Variants in CPXM2 observed in about 807,000 individuals in gnomAD.
CPXM2 encodes carboxypeptidase X, M14 family member 2, also known as inactive carboxypeptidase-like protein X2.
In CPXM2, 66 loss-of-function variants were observed where a neutral mutation model predicts 86.1. The observed-to-expected ratio is 0.77, with a 90% CI of 0.63 to 0.94. The LOEUF is 0.94. Ranked by LOEUF, CPXM2 falls within the 40% of genes least tolerant of loss-of-function variation. The pLI is 0.00. For synonymous variants in CPXM2, 388 were observed against 400.2 expected, an observed-to-expected ratio of 0.97 and a Z score of 0.36; for missense variants, 948 against 1,026.3, an observed-to-expected ratio of 0.92 and a Z score of 1.04.
At chr10:123,846,082 T>C (rs1173150758) in intron 3 of CPXM2, among the ~76,000 whole-genome samples, 2 of 152,212 alleles carry the variant, frequency 1.3e-5, no homozygotes, top group Admixed American at 1.3e-4. Context: ...GAAGCAGCAG[T>C]CCCCAAACTT....
intron 3 of CPXM2, among the ~76,000 whole-genome samples, chr10:123,846,613 A>C (rs189449986): frequency 1.4e-3 from 217 of 152,290 alleles, no homozygotes; most frequent in Non-Finnish European, 2.5e-3. Context: ...ACTCCAAAAA[A>C]ATGAGGCAGA....
chr10:123,754,715 T>A lies in CPXM2; in HGVS notation c.1965A>T (p.Gly655=), dbSNP rs1378303695. Residue 655 remains glycine, a synonymous_variant, in exon 13 of 14, where the codon GGA becomes GGT. Coordinates refer to ENST00000241305, the MANE Select transcript of CPXM2 (RefSeq NM_198148.3). This position sits in a 1 kb window ranked among gnomAD's most constrained non-coding sequence, Gnocchi z 4.0. ...CTACGGAGATAATGGCGTTTGGGAT[T>A]CCTTTTCCATGTGAATCTCTCACCA... ...KGLVRDSHGK[G]IPNAIISVEG... is the part of the protein sequence containing the mutation. 1 of 1,612,000 alleles carries A rather than the reference T, an allele frequency of 6.2e-7. No homozygotes were observed. Among genetic ancestry groups the A allele is most frequent in the South Asian group, 1.1e-5 (1 of 91,052 alleles).
intron 11 of CPXM2, among the ~76,000 whole-genome samples, chr10:123,760,384 A>AT (rs1846305426): frequency 6.6e-6 from 1 of 151,934 alleles, no homozygotes; most frequent in Non-Finnish European, 1.5e-5. Flanking sequence ...ATTTTTTTTT[A>AT]TTTCATACAA....
intron 6 of CPXM2, among the ~76,000 whole-genome samples, chr10:123,794,686 G>GT (rs1293178234): frequency 1.3e-5 from 2 of 150,674 alleles, no homozygotes; most frequent in Non-Finnish European, 3.0e-5. Context: ...TTCTTTTATT[G>GT]TTTTTTATTA....
chr10:123,941,844 G>A (rs935266642), upstream of CPXM2, among the ~76,000 whole-genome samples: 1 of 152,220 alleles, frequency 6.6e-6, no homozygotes, highest in African/African-American at 2.4e-5. Flanking sequence ...TCTCTGAACC[G>A]CATCTGAGAT....
At chr10:123,824,741 T>G (rs55759998) in intron 4 of CPXM2, among the ~76,000 whole-genome samples, 7,501 of 152,272 alleles carry the variant, frequency 0.049, 616 homozygotes, top group African/African-American at 0.17. Flanking sequence ...AATAAGTTGA[T>G]AAATCCTAAC....
chr10:123,821,439 G>A (rs1847922137), intron 4 of CPXM2, among the ~76,000 whole-genome samples: 1 of 152,232 alleles, frequency 6.6e-6, no homozygotes, highest in Non-Finnish European at 1.5e-5. Context: ...AGAACTGACA[G>A]GTCATAGGAT....
chr10:123,787,845 T>C (rs984619583), intron 6 of CPXM2, among the ~76,000 whole-genome samples: 1 of 152,172 alleles, frequency 6.6e-6, no homozygotes, highest in Non-Finnish European at 1.5e-5. Flanking sequence ...AGATTCCAAG[T>C]TACCCGGGGA....
chr10:123,907,916 A>C (rs1945457260), intron 2 of CPXM2, among the ~76,000 whole-genome samples: 1 of 152,058 alleles, frequency 6.6e-6, no homozygotes, highest in Non-Finnish European at 1.5e-5. Context: ...AAAAAGGAAG[A>C]GAGGGGAAGC....
chr10:123,766,911 A>G (rs918363397), intron 10 of CPXM2, 62 bp downstream of exon 10: 1 of 1,323,990 alleles, frequency 7.6e-7, no homozygotes, highest in African/African-American at 1.4e-5. Context: ...TCCTCTGCAA[A>G]TACCAATGGA....
chr10:123,871,423 C>G lies in CPXM2; in HGVS notation c.404-8700G>C, dbSNP rs540057665. ...TGGAAAACTAACACCATTCTTTATA[C>G]GTTGCTTATAAGGCTCAAAAAAAAG... is the stretch of plus-strand genomic sequence containing the variant. On this transcript the variant is annotated intron_variant, in intron 2 of 13. Transcript: ENST00000241305. Among the ~76,000 whole-genome samples, 3 of 152,294 alleles carry G rather than the reference C, an allele frequency of 2.0e-5. No homozygotes were observed. The South Asian group carries it at 6.2e-4, about 32-fold the overall frequency.
intron 1 of CPXM2, among the ~76,000 whole-genome samples, chr10:123,888,194 T>C (rs1945211185): frequency 1.3e-5 from 2 of 152,216 alleles, no homozygotes; most frequent in Admixed American, 6.5e-5. Flanking sequence ...GCCTACCACA[T>C]AGAAAATCTG....
chr10:123,824,661 A>T (rs2096495555), intron 4 of CPXM2, among the ~76,000 whole-genome samples: 1 of 152,226 alleles, frequency 6.6e-6, no homozygotes, highest in Non-Finnish European at 1.5e-5. Context: ...AGCCAGGCAG[A>T]ACTGGGCTCA....
chr10:123,817,861 C>T (rs1847845128), intron 4 of CPXM2, among the ~76,000 whole-genome samples: 1 of 152,164 alleles, frequency 6.6e-6, no homozygotes, highest in South Asian at 2.1e-4. Flanking sequence ...CTAGGACATC[C>T]CTGAAGGACA....
chr10:123,892,430 C>G (rs373381399), upstream of CPXM2, among the ~76,000 whole-genome samples: 1 of 152,132 alleles, frequency 6.6e-6, no homozygotes, highest in Non-Finnish European at 1.5e-5. Flanking sequence ...TGTGGTTCAT[C>G]CAAGAGCAGG....
chr10:123,890,330 AG>A (rs1439874862), intron 1 of CPXM2, among the ~76,000 whole-genome samples: 1 of 152,196 alleles, frequency 6.6e-6, no homozygotes, highest in Non-Finnish European at 1.5e-5. Flanking sequence ...GCCTCTGCAA[AG>A]GGGGGTGCTC....
chr10:123,749,851 G>A (rs1564748203), intron 13 of CPXM2, among the ~76,000 whole-genome samples: 1 of 152,174 alleles, frequency 6.6e-6, no homozygotes, highest in Non-Finnish European at 1.5e-5. Flanking sequence ...TATCGCCCAG[G>A]CTGGAGTACA....
At chr10:123,928,735 C>T (rs1459531243) in intron 2 of CPXM2, among the ~76,000 whole-genome samples, 1 of 152,236 alleles carries the variant, frequency 6.6e-6, no homozygotes, top group East Asian at 1.9e-4. Flanking sequence ...AAATGTTCAA[C>T]ATGAGTGAAT....
chr10:123,888,992 C>T (rs1310137351), intron 1 of CPXM2, among the ~76,000 whole-genome samples: 2 of 152,194 alleles, frequency 1.3e-5, no homozygotes, highest in South Asian at 2.1e-4. Context: ...TCAACAGGCT[C>T]CCCCATGGCC....
Sources: gnomAD v4.1 joint callset for allele counts (sites outside exome capture counted in the v4.1 genomes callset) on GRCh38, gnomAD v4.1.1 for gene constraint, Gnocchi (gnomAD v3.1) non-coding constraint, MANE v1.5 for transcripts, NCBI Gene and HGNC (gene_info 2026-07-23, HGNC 2026-07-21) for gene names.